Variants in TMEM150C observed in about 807,000 individuals in gnomAD.
The protein encoded by TMEM150C is tentonin 3.
Under a neutral mutation model 29.9 loss-of-function variants are expected in TMEM150C, and 10 were observed. The observed-to-expected ratio is 0.33, with a 90% CI of 0.21 to 0.57. The LOEUF is 0.57. Ranked by LOEUF, TMEM150C falls within the 20% of genes least tolerant of loss-of-function variation. The pLI, the probability that TMEM150C is intolerant of heterozygous loss-of-function variation, is 0.88. For missense variants in TMEM150C, 251 were observed against 303.6 expected (o/e 0.83, Z 1.29); for synonymous variants, 101 against 112.5 (o/e 0.90, Z 0.64).
At position 82,529,065 on chromosome 4, in the gene TMEM150C, T is replaced by G. The variant is rs115486298; in HGVS notation, c.-10-24398A>C. Among the ~76,000 whole-genome samples the G allele has an allele frequency of 4.7e-3, 706 of 149,996 alleles. 5 individuals carry two copies. The highest frequency in any genetic ancestry group is 0.017 in the African/African-American group (674 of 40,670). Reference sequence around the variant, plus strand: ...GGGGGCAGTCAGCACACACGGAGAGTGTGTGAAGGGAGAGAGGAGCCAGCG... The same window carrying G: ...GGGGGCAGTCAGCACACACGGAGAGGGTGTGAAGGGAGAGAGGAGCCAGCG... On this transcript the variant is annotated intron_variant, in intron 1 of 7. Transcript: ENST00000449862.
intron 1 of TMEM150C, among the ~76,000 whole-genome samples, chr4:82,557,167 T>C (rs1426932771): frequency 6.6e-6 from 1 of 152,176 alleles, no homozygotes; most frequent in Non-Finnish European, 1.5e-5. Flanking sequence ...AGTTTAAAAA[T>C]GGAAACAACA....
chr4:82,504,285 C>A (rs1723830203), intron 2 of TMEM150C, among the ~76,000 whole-genome samples: 1 of 152,276 alleles, frequency 6.6e-6, no homozygotes, highest in Admixed American at 6.5e-5. Context: ...CTCAATGCAA[C>A]CTCTGCCTCC....
intron 1 of TMEM150C, among the ~76,000 whole-genome samples, chr4:82,528,606 T>C (rs765237841): frequency 1.6e-4 from 19 of 118,884 alleles, no homozygotes; most frequent in African/African-American, 6.5e-4. Context: ...TCCTCGTCCC[T>C]TTTTTTTTTT....
At chr4:82,492,684 G>A (rs975103432) in intron 6 of TMEM150C, among the ~76,000 whole-genome samples, 1 of 146,908 alleles carries the variant, frequency 6.8e-6, no homozygotes, top group Admixed American at 7.0e-5. Flanking sequence ...GTATTTTCAT[G>A]TGTATATATA....
intron 6 of TMEM150C, among the ~76,000 whole-genome samples, chr4:82,493,417 G>A (rs2110064367): frequency 6.6e-6 from 1 of 152,158 alleles, no homozygotes; most frequent in South Asian, 2.1e-4. Flanking sequence ...AAATTATAAT[G>A]AGGGATAGAT....
rs934409623 is a variant in TMEM150C at position 82,507,743 on chromosome 4, T to C, written c.-10-3076A>G. ...TCTCTCTCTCTTTTTTTTTTTTTTT[T>C]TTTTTTTTTTTTTTTTTTTTTTTGA... On this transcript the variant is annotated intron_variant, in intron 1 of 7. Coordinates refer to ENST00000449862, the MANE Select transcript of TMEM150C (RefSeq NM_001080506.3). Among the ~76,000 whole-genome samples, 7 of 46,998 alleles carry C rather than the reference T, an allele frequency of 1.5e-4. 2 individuals carry two copies. The highest frequency in any genetic ancestry group is 8.0e-4 in the African/African-American group (5 of 6,270). The allele number at this position is 46,998 out of a possible 152,430, so 30.8% of individuals were successfully genotyped here.
At chr4:82,524,723 C>T (rs941854719) in intron 1 of TMEM150C, among the ~76,000 whole-genome samples, 10 of 152,192 alleles carry the variant, frequency 6.6e-5, no homozygotes, top group Non-Finnish European at 1.2e-4. Flanking sequence ...GACACAATTA[C>T]GTAATCACGA....
rs960956131 is a variant in TMEM150C, at chr4:82,496,002, T to C, written c.363+66A>G. On this transcript the variant is annotated intron_variant, in intron 6 of 7. Transcript: ENST00000449862. ...ATATGGTGATTATACCTCAATAGCT[T>C]TGATAGTCTCAGAAGTGAAGGTCTT... The C allele has an allele frequency of 2.6e-5, 42 of 1,601,512 alleles. No individual in the cohort carries two copies. The Admixed American group carries it at 6.8e-4, about 26-fold the overall frequency.
chr4:82,523,951 G>T (rs923470097), intron 1 of TMEM150C, among the ~76,000 whole-genome samples: 3 of 151,662 alleles, frequency 2.0e-5, no homozygotes, highest in Admixed American at 6.6e-5. Flanking sequence ...CAAAATGTTG[G>T]GATTACAGGT....
chr4:82,504,638 C>G lies in TMEM150C; in HGVS notation c.20G>C (p.Ser7Thr). Residue 7 changes from serine to threonine, a missense_variant, in exon 2 of 8, where the codon AGC (serine) becomes ACC (threonine). Ser to Thr is a moderately conservative substitution (Grantham distance 58). Transcript: ENST00000449862. ...TACAAGAGGTAGGAACATCCATACGCTGCATTTCTTCCCATCCATGCCTGT... is the reference window on the plus strand; with the variant it reads ...TACAAGAGGTAGGAACATCCATACGGTGCATTTCTTCCCATCCATGCCTGT... Reference protein sequence around the residue: MDGKKCSVWMFLPLVFT... With the variant: MDGKKCTVWMFLPLVFT... The G allele has an allele frequency of 6.2e-7, 1 of 1,613,734 alleles. No homozygotes were observed. The highest frequency in any genetic ancestry group is 8.5e-7 in the Non-Finnish European group (1 of 1,179,726).
intron 7 of TMEM150C, among the ~76,000 whole-genome samples, chr4:82,488,898 A>G (rs928035365): frequency 5.3e-5 from 8 of 152,004 alleles, no homozygotes; most frequent in Non-Finnish European, 8.8e-5. Flanking sequence ...GGATTACAGC[A>G]TGAGCCACGG....
chr4:82,506,346 C>T (rs534948141), intron 1 of TMEM150C, among the ~76,000 whole-genome samples: 5 of 152,326 alleles, frequency 3.3e-5, no homozygotes, highest in South Asian at 4.1e-4. Flanking sequence ...GAGATAGACA[C>T]TGGGCCTAAT....
At chr4:82,489,169 T>C (rs1391018193) in intron 7 of TMEM150C, among the ~76,000 whole-genome samples, 2 of 151,848 alleles carry the variant, frequency 1.3e-5, no homozygotes, top group East Asian at 3.9e-4. Context: ...CCCCAAGTGT[T>C]GAACACTTCT....
chr4:82,527,367 A>G (rs2110081243), intron 1 of TMEM150C, among the ~76,000 whole-genome samples: 1 of 152,232 alleles, frequency 6.6e-6, no homozygotes, highest in Non-Finnish European at 1.5e-5. Context: ...TCGCACACGT[A>G]CTTGTTTTTC....
chr4:82,528,556 C>G (rs1724731054), intron 1 of TMEM150C, among the ~76,000 whole-genome samples: 1 of 151,734 alleles, frequency 6.6e-6, no homozygotes, highest in Non-Finnish European at 1.5e-5. Context: ...ACAGCCCCCT[C>G]TCTCATTCTC....
At chr4:82,536,356 C>CAAAA (rs567469021) in intron 1 of TMEM150C, among the ~76,000 whole-genome samples, 7 of 80,470 alleles carry the variant, frequency 8.7e-5, no homozygotes, top group African/African-American at 1.3e-4. Flanking sequence ...GACTCCATCT[C>CAAAA]AAAAAAAAAA....
At chr4:82,509,756 C>G (rs1326637859) in intron 1 of TMEM150C, 1 of 152,038 alleles carries the variant, frequency 6.6e-6, no homozygotes, top group Non-Finnish European at 1.5e-5. Flanking sequence ...GATCGCTCCA[C>G]TTCACTCCAG....
At chr4:82,538,652 A>T (rs1725093259) in intron 1 of TMEM150C, among the ~76,000 whole-genome samples, 1 of 152,236 alleles carries the variant, frequency 6.6e-6, no homozygotes, top group South Asian at 2.1e-4. Flanking sequence ...ATATACTAGA[A>T]GAAAAATAAA....
At chr4:82,495,897 GAAGCAGCTGAACAGCTC>G in intron 6 of TMEM150C, 154 bp downstream of exon 6, 1 of 772,468 alleles carries the variant, frequency 1.3e-6, no homozygotes, top group Non-Finnish European at 2.1e-6. Flanking sequence ...GCTTCATCTT[GAAGCAGCTGAACAGCTC>G]CGAGTTGCCA....
Sources: gnomAD v4.1 joint callset for allele counts (sites outside exome capture counted in the v4.1 genomes callset) on GRCh38, gnomAD v4.1.1 for gene constraint, MANE v1.5 for transcripts, NCBI Gene and HGNC (gene_info 2026-07-23, HGNC 2026-07-21) for gene names.